Variants in CRAMP1 observed in about 807,000 individuals in gnomAD.
CRAMP1 encodes cramped chromatin regulator 1, also known as protein cramped-like.
Under a neutral mutation model 115.4 loss-of-function variants are expected in CRAMP1, and 50 were observed. The observed-to-expected ratio is 0.43, with a 90% CI of 0.35 to 0.55. The LOEUF is 0.55. Ranked by LOEUF, CRAMP1 falls within the 20% of genes least tolerant of loss-of-function variation. The pLI is 0.01. For missense variants in CRAMP1, 1,679 were observed against 1,721.7 expected, an observed-to-expected ratio of 0.98 and a Z score of 0.44; for synonymous variants, 866 against 745.4, an observed-to-expected ratio of 1.16 and a Z score of -2.64.
intron 2 of CRAMP1, among the ~76,000 whole-genome samples, chr16:1,624,459 G>A (rs1021454448): frequency 2.0e-5 from 3 of 151,808 alleles, no homozygotes; most frequent in African/African-American, 7.3e-5. Flanking sequence ...TGCCATCCAG[G>A]CTGGAGTGCA....
chr16:1,646,833 A>C (rs147094414), intron 6 of CRAMP1, among the ~76,000 whole-genome samples: 167 of 152,326 alleles, frequency 1.1e-3, no homozygotes, highest in Middle Eastern at 6.8e-3. Context: ...ACTTTTGTGT[A>C]CCATGTGAAG....
chr16:1,647,463 A>G (rs1387354163), intron 6 of CRAMP1, among the ~76,000 whole-genome samples: 1 of 152,160 alleles, frequency 6.6e-6, no homozygotes, highest in Non-Finnish European at 1.5e-5. Context: ...CTATTCACCT[A>G]GGCGTGGTGG....
rs1373489916 is a variant in CRAMP1, at chr16:1,662,327, A to G, written c.2414-163A>G. 2.4e-5 allele frequency: 15 copies of G among 614,824 alleles called. No homozygotes were observed. The East Asian group carries it at 4.1e-4, about 17-fold the overall frequency. 38.1% of individuals were successfully genotyped at this position (614,824 alleles called of 1,614,324 possible). A position where few individuals can be genotyped will look rare whatever the true frequency, so the allele number is the denominator to read the frequency against. ...AGAATTTCAGTGAGAAGGATAGAAA[A>G]TCAGTCTTTATGTGGGACTGAGATA... On this transcript the variant is annotated intron_variant, in intron 11 of 20. Transcript: ENST00000397412.
intron 3 of CRAMP1, among the ~76,000 whole-genome samples, chr16:1,629,777 T>C (rs1326205018): frequency 5.3e-5 from 8 of 152,228 alleles, no homozygotes; most frequent in Admixed American, 5.2e-4. Context: ...CTGCCATTCC[T>C]TTTGAAAACA....
Position 1,614,794 on chromosome 16 carries a change from C to T in CRAMP1, c.155C>T (p.Pro52Leu), listed in dbSNP as rs1199511068. The T allele has an allele frequency of 6.9e-6, 9 of 1,307,608 alleles. 1 individual carries two copies. In the South Asian group the frequency reaches 1.5e-4, roughly 22 times the overall value. The allele number at this position is 1,307,608 out of a possible 1,614,324, so 81.0% of individuals were successfully genotyped here. Residue 52 changes from proline (P) to leucine (L), a missense_variant, in exon 2 of 21, where the codon CCC (proline) becomes CTC (leucine). Pro to Leu is a moderately conservative substitution (Grantham distance 98). Transcript: ENST00000397412. This position sits in a 1 kb window ranked among gnomAD's most constrained non-coding sequence, Gnocchi z 4.4. Reference protein sequence around the residue: ...SSGTKRDEKTPRAGADGPPAP... With the variant: ...SSGTKRDEKTLRAGADGPPAP... ...GGCACAAAGAGGGACGAGAAGACCCCCCGGGCCGGCGCCGACGGCCCCCCC... is the reference window on the plus strand; with the variant it reads ...GGCACAAAGAGGGACGAGAAGACCCTCCGGGCCGGCGCCGACGGCCCCCCC...
intron 10 of CRAMP1, among the ~76,000 whole-genome samples, chr16:1,657,939 A>C (rs1393470382): frequency 6.6e-6 from 1 of 152,112 alleles, no homozygotes; most frequent in African/African-American, 2.4e-5. Context: ...CATGGTCAGA[A>C]TGTGTGTGAG....
intron 5 of CRAMP1, among the ~76,000 whole-genome samples, chr16:1,638,672 G>A (rs1011614945): frequency 1.2e-4 from 18 of 152,148 alleles, no homozygotes; most frequent in African/African-American, 4.3e-4. Flanking sequence ...GCACTGTAGG[G>A]GATCCCCCCC....
chr16:1,641,775 C>T (rs1596488467), intron 6 of CRAMP1, among the ~76,000 whole-genome samples: 1 of 152,172 alleles, frequency 6.6e-6, no homozygotes, highest in Admixed American at 6.5e-5. Context: ...CCACCCTACT[C>T]CACAGCCTGG....
intron 2 of CRAMP1, among the ~76,000 whole-genome samples, chr16:1,615,630 A>T (rs1320773717): frequency 6.6e-6 from 1 of 152,246 alleles, no homozygotes; most frequent in South Asian, 2.1e-4. Flanking sequence ...TTCTGAGGTG[A>T]TGGAGAATGT....
chr16:1,655,963 G>A lies in CRAMP1; in HGVS notation c.1206G>A (p.Glu402=), dbSNP rs370325054. 1.2e-6 allele frequency: 2 copies of A among 1,613,114 alleles called. No individual in the cohort carries two copies. The highest frequency in any genetic ancestry group is 2.2e-5 in the South Asian group (2 of 91,084). Residue 402 remains glutamate (E), a synonymous_variant, in exon 10 of 21, where the codon GAG becomes GAA. Coordinates refer to ENST00000397412, the MANE Select transcript of CRAMP1 (RefSeq NM_020825.4). ...TGACACTGCACTTGTTCCCAGGCGAGAACTGTACACTGACACCGCTGCCGG... is the reference window on the plus strand; with the variant it reads ...TGACACTGCACTTGTTCCCAGGCGAAAACTGTACACTGACACCGCTGCCGG... ...EKVTLHLFPG[E]NCTLTPLPGV... is the part of the protein sequence containing the mutation.
chr16:1,674,145 C>T lies in CRAMP1; in HGVS notation c.*100C>T, dbSNP rs920879070. The T allele has an allele frequency of 2.0e-5, 24 of 1,211,660 alleles. No individual in the cohort carries two copies. The highest frequency in any genetic ancestry group is 4.6e-5 in the African/African-American group (3 of 65,708). The allele number at this position is 1,211,660 out of a possible 1,614,324, so 75.1% of individuals were successfully genotyped here. On this transcript the variant is annotated 3_prime_UTR_variant, in exon 21 of 21. Coordinates refer to ENST00000397412, the MANE Select transcript of CRAMP1 (RefSeq NM_020825.4). ...GGTCTGAACAGAGGCATCTCCGCAC[C>T]CAAGACTGTGCAACGGGCAGGAACG...
intron 3 of CRAMP1, among the ~76,000 whole-genome samples, chr16:1,629,317 C>T (rs1300091134): frequency 1.3e-5 from 2 of 152,224 alleles, no homozygotes; most frequent in Admixed American, 6.5e-5. Flanking sequence ...CAGCCTGTTA[C>T]CATCTCCACA....
Position 1,669,068 on chromosome 16 carries a change from G to A in CRAMP1, c.3402G>A (p.Pro1134=), listed in dbSNP as rs749557961. ...GSDSSKSLPS[P]SSSPQPHWIA... ...ACAGTTCCAAGAGCCTTCCCTCCCC[G>A]TCCAGCAGCCCCCAGCCACACTGGA... The change falls in exon 19 of 21, where the codon CCG becomes CCA. Residue 1134 remains proline (P), a synonymous_variant. Transcript: ENST00000397412. The surrounding 1 kb of genome is among the most constrained non-coding windows in gnomAD (Gnocchi z 4.6). 1.1e-5 allele frequency: 18 copies of A among 1,611,642 alleles called. No homozygotes were observed. The highest frequency in any genetic ancestry group is 1.4e-5 in the Non-Finnish European group (16 of 1,179,056).
intron 6 of CRAMP1, chr16:1,645,334 C>T (rs1034538036): frequency 2.8e-5 from 7 of 250,702 alleles, no homozygotes; most frequent in African/African-American, 1.2e-4. Flanking sequence ...TTACAGGCGC[C>T]CACCACCACG....
Position 1,653,123 on chromosome 16 carries a change from G to A in CRAMP1, c.1004G>A (p.Arg335His), listed in dbSNP as rs746775641. The A allele has an allele frequency of 4.3e-6, 7 of 1,610,772 alleles. No homozygotes were observed. Among genetic ancestry groups the A allele is most frequent in the Admixed American group, 1.7e-5 (1 of 59,496 alleles). The part of the protein sequence containing the change: ...LQPRNNHAWA[R>H]VQSLAQNPRL... The stretch of plus-strand genomic sequence containing the variant: ...CCGCGGAACAACCACGCCTGGGCCC[G>A]TGTGCAGAGCCTTGCCCAGAACCCA... The change falls in exon 8 of 21, where the codon CGT becomes CAT. Residue 335 changes from arginine (R) to histidine (H), a missense_variant. Arg to His is a conservative substitution (Grantham distance 29, BLOSUM62 0). This residue lies in a region of CRAMP1 where 191 missense variants were observed against 236.2 expected (regional missense o/e 0.81). Transcript: ENST00000397412.
rs1340122175 is a variant in CRAMP1 at position 1,614,274 on chromosome 16, T to A, written c.-1-365T>A. 6.9e-6 allele frequency among the ~76,000 whole-genome samples: 1 copy of A among 145,226 alleles called. No individual in the cohort carries two copies. Among genetic ancestry groups the A allele is most frequent in the Non-Finnish European group, 1.5e-5 (1 of 65,208 alleles). On this transcript the variant is annotated intron_variant, in intron 1 of 20. Transcript: ENST00000397412. This position sits in a 1 kb window ranked among gnomAD's most constrained non-coding sequence, Gnocchi z 4.4. ...GGGCAGCGGCCCGGACCCGCAACCG[T>A]GCCCAGACCCGCGCCCGCGCCGGGG...
chr16:1,649,632 G>A (rs1005287450), intron 6 of CRAMP1, among the ~76,000 whole-genome samples: 2 of 151,830 alleles, frequency 1.3e-5, no homozygotes, highest in Non-Finnish European at 2.9e-5. Context: ...TGGGCCTACA[G>A]GCACCCACCA....
intron 14 of CRAMP1, among the ~76,000 whole-genome samples, 166 bp downstream of exon 14, chr16:1,665,304 G>A (rs963535619): frequency 6.6e-6 from 1 of 152,314 alleles, no homozygotes. Flanking sequence ...TGCAGGCTGC[G>A]GTGGCGGGCG....
chr16:1,642,513 A>G (rs977808689), intron 6 of CRAMP1, among the ~76,000 whole-genome samples: 1 of 152,212 alleles, frequency 6.6e-6, no homozygotes, highest in Non-Finnish European at 1.5e-5. Context: ...CGCCAGCCAT[A>G]GGGAGGGTGT....
Sources: allele counts gnomAD v4.1 joint callset (sites outside exome capture counted in the v4.1 genomes callset), GRCh38; gene constraint gnomAD v4.1.1; regional missense constraint gnomAD v4.1.1; non-coding constraint Gnocchi (gnomAD v3.1); transcripts MANE v1.5; gene names NCBI Gene and HGNC (gene_info 2026-07-23, HGNC 2026-07-21).